The following SLC27A1 variants were observed in gnomAD, a reference collection of about 807,000 sequenced individuals.
The protein encoded by SLC27A1 is long-chain fatty acid transport protein 1.
Under a neutral mutation model 62.2 loss-of-function variants are expected in SLC27A1, and 61 were observed. The ratio of observed to expected loss-of-function variants is 0.98; its 90% CI spans 0.80 to 1.21. The LOEUF (loss-of-function observed/expected upper bound fraction) is 1.21. SLC27A1 is among the 50% of genes most tolerant of loss of function. The pLI, the probability that SLC27A1 is intolerant of heterozygous loss-of-function variation, is 0.00. For missense variants in SLC27A1, 903 were observed against 932.1 expected (o/e 0.97, Z 0.41); for synonymous variants, 435 against 408.6 (o/e 1.06, Z -0.78).
intron 1 of SLC27A1, among the ~76,000 whole-genome samples, chr19:17,479,894 T>G (rs2075159295): frequency 6.6e-6 from 1 of 152,120 alleles, no homozygotes; most frequent in Non-Finnish European, 1.5e-5. Context: ...TCTGCCCACC[T>G]TGGCCTCACA....
Position 17,486,506 on chromosome 19 carries a change from CA to C in SLC27A1, c.168-56del. 1 of 1,501,176 alleles carries C rather than the reference CA, an allele frequency of 6.7e-7. No homozygotes were observed. The highest frequency in any genetic ancestry group is 8.9e-7 in the Non-Finnish European group (1 of 1,127,382). 93.0% of individuals were successfully genotyped at this position (1,501,176 alleles called of 1,614,324 possible). ...CCTCCAGCGGGGAGGCTGAGGCTCCCAGAGGCCAGGCGGGGCAGGGCACCAG... is the reference window on the plus strand; with the variant it reads ...CCTCCAGCGGGGAGGCTGAGGCTCCCGAGGCCAGGCGGGGCAGGGCACCAG... On this transcript the variant is annotated intron_variant, in intron 1 of 11. Coordinates refer to ENST00000252595, the MANE Select transcript of SLC27A1 (RefSeq NM_198580.3). The surrounding 1 kb of genome is among the most constrained non-coding windows in gnomAD (Gnocchi z 6.6).
At position 17,501,298 on chromosome 19, in the gene SLC27A1, G is replaced by C. The variant is rs745737151; in HGVS notation, c.1662G>C (p.Ala554=). The change falls in exon 11 of 12, where the codon GCG becomes GCC. Residue 554 remains alanine (A), a synonymous_variant. Coordinates refer to ENST00000252595, the MANE Select transcript of SLC27A1 (RefSeq NM_198580.3). The stretch of plus-strand genomic sequence containing the variant: ...GAGTGGAGGGTAAGGCAGGGATGGC[G>C]GCCGTCGCAGACCCCCACAGCCTGC... ...VPGVEGKAGM[A]AVADPHSLLD... The C allele has an allele frequency of 6.2e-7, 1 of 1,613,660 alleles. No homozygotes were observed. Among genetic ancestry groups the C allele is most frequent in the Non-Finnish European group, 8.5e-7 (1 of 1,179,960 alleles).
intron 6 of SLC27A1, among the ~76,000 whole-genome samples, chr19:17,494,451 C>T (rs1405785601): frequency 6.6e-6 from 1 of 152,042 alleles, no homozygotes; most frequent in Admixed American, 6.6e-5. Flanking sequence ...CCTCAGGCTC[C>T]TGAATAGCTG....
upstream of SLC27A1, chr19:17,470,519 C>T (rs1284639592): frequency 4.6e-6 from 7 of 1,527,054 alleles, no homozygotes; most frequent in Admixed American, 3.9e-5. Context: ...CCCGCGGCCT[C>T]AGCTCTCTCT....
Position 17,488,892 on chromosome 19 carries a change from A to G in SLC27A1, c.839A>G (p.Gln280Arg), listed in dbSNP as rs1259394645. ...AAFGHHAYRM[Q>R]AADVLYDCLP... Reference sequence around the variant, plus strand: ...TTCGGCCACCACGCCTACCGCATGCAGGCGGCTGACGTGCTCTATGACTGC... The same window carrying G: ...TTCGGCCACCACGCCTACCGCATGCGGGCGGCTGACGTGCTCTATGACTGC... The change falls in exon 5 of 12, where the codon CAG becomes CGG. Residue 280 changes from glutamine to arginine, a missense_variant. By Grantham distance (43) the Gln-to-Arg change is conservative. Coordinates refer to ENST00000252595, the MANE Select transcript of SLC27A1 (RefSeq NM_198580.3). 6 of 1,614,002 alleles carry G rather than the reference A, an allele frequency of 3.7e-6. No individual in the cohort carries two copies. The highest frequency in any genetic ancestry group is 1.1e-5 in the South Asian group (1 of 91,078).
intron 1 of SLC27A1, among the ~76,000 whole-genome samples, chr19:17,480,717 C>T (rs1356922738): frequency 2.0e-5 from 3 of 151,750 alleles, no homozygotes; most frequent in East Asian, 3.9e-4. Flanking sequence ...GCAGGTTGCA[C>T]GTGCTGGTTT....
rs892825252 is a variant in SLC27A1, at chr19:17,486,862, C to T, written c.467C>T (p.Ala156Val). ...LGLAKAGMEA[A>V]LLNVNLRREP... ...CTGGCCAAGGCGGGCATGGAGGCCG[C>T]GCTGCTCAACGTGAACCTGCGGCGC... The change falls in exon 2 of 12, where the codon GCG (alanine) becomes GTG (valine). Residue 156 changes from alanine to valine, a missense_variant. Ala to Val is a moderately conservative substitution (Grantham distance 64). Coordinates refer to ENST00000252595, the MANE Select transcript of SLC27A1 (RefSeq NM_198580.3). The surrounding 1 kb of genome is among the most constrained non-coding windows in gnomAD (Gnocchi z 6.6). 36 of 1,584,888 alleles carry T rather than the reference C, an allele frequency of 2.3e-5. No homozygotes were observed. Among genetic ancestry groups the T allele is most frequent in the Non-Finnish European group, 2.9e-5 (34 of 1,172,426 alleles).
At chr19:17,488,048 C>T (rs2075255499) in intron 4 of SLC27A1, among the ~76,000 whole-genome samples, 1 of 152,122 alleles carries the variant, frequency 6.6e-6, no homozygotes, top group Non-Finnish European at 1.5e-5. Flanking sequence ...CTGCATCTAC[C>T]GTGACCCTCA....
chr19:17,484,193 TGGAG>T (rs2075206640), intron 1 of SLC27A1: 1 of 151,114 alleles, frequency 6.6e-6, no homozygotes, highest in Non-Finnish European at 1.5e-5. Flanking sequence ...AAATGATAAA[TGGAG>T]GGAAAGAATA....
intron 6 of SLC27A1, among the ~76,000 whole-genome samples, chr19:17,491,725 C>T (rs1244184066): frequency 6.6e-6 from 1 of 151,714 alleles, no homozygotes; most frequent in South Asian, 2.1e-4. Flanking sequence ...AATTGAAAAT[C>T]TAGCTGGTTG....
chr19:17,475,637 G>C (rs59482218), intron 1 of SLC27A1, among the ~76,000 whole-genome samples: 3,104 of 152,324 alleles, frequency 0.02, 101 homozygotes, highest in African/African-American at 0.069. Context: ...GGGAGGCACA[G>C]GACTCCAGAG....
chr19:17,469,390 G>T (rs549269196), upstream of SLC27A1, among the ~76,000 whole-genome samples: 4 of 152,116 alleles, frequency 2.6e-5, no homozygotes, highest in African/African-American at 9.6e-5. Context: ...AATACAGCCC[G>T]CGCGGGCCGT....
At chr19:17,501,468 T>A (rs765769495) in intron 11 of SLC27A1, 49 bp downstream of exon 11, 3 of 1,582,774 alleles carry the variant, frequency 1.9e-6, no homozygotes, top group Non-Finnish European at 2.6e-6. Flanking sequence ...TCAGTGTGTC[T>A]GTTGATTCAT....
intron 4 of SLC27A1, 99 bp from the exon 5 acceptor site, chr19:17,488,749 G>A: frequency 9.6e-7 from 1 of 1,038,946 alleles, no homozygotes. Context: ...GAACTGGGCT[G>A]GCTTTGCCTG....
rs561787408 is a variant in SLC27A1, at chr19:17,506,089, C to G, written c.*1477C>G. ...AGTGGTGGGGCCATGGCAAGAGACA[C>G]CGTGGCGTCTCATGTGAACTTTCCT... On this transcript the variant is annotated 3_prime_UTR_variant, in exon 12 of 12. Transcript: ENST00000252595. The G allele has an allele frequency of 6.6e-6, 1 of 152,366 alleles. No individual in the cohort carries two copies. Among genetic ancestry groups the G allele is most frequent in the East Asian group, 1.9e-4 (1 of 5,180 alleles). 9.4% of individuals were successfully genotyped at this position (152,366 alleles called of 1,614,324 possible).
intron 11 of SLC27A1, among the ~76,000 whole-genome samples, chr19:17,503,930 TCAAA>T (rs1386156040): frequency 6.7e-4 from 34 of 50,606 alleles, no homozygotes; most frequent in African/African-American, 3.1e-3. Context: ...AGACTATGTC[TCAAA>T]AAAAAAAAAA....
In SLC27A1 at chr19:17,505,918, C is replaced by G. The variant is rs2075475269; in HGVS notation, c.*1306C>G. The G allele has an allele frequency of 6.6e-6, 1 of 152,276 alleles. No individual in the cohort carries two copies. The highest frequency in any genetic ancestry group is 1.5e-5 in the Non-Finnish European group (1 of 68,126). 9.4% of individuals were successfully genotyped at this position (152,276 alleles called of 1,614,324 possible). ...CTGACACCGTGTTGGTGGCGATGTC[C>G]CAGACAATCCCACCAGGACGGCCCA... On this transcript the variant is annotated 3_prime_UTR_variant, in exon 12 of 12. Transcript: ENST00000252595.
chr19:17,482,792 A>G (rs977834880), intron 1 of SLC27A1, among the ~76,000 whole-genome samples: 6 of 152,136 alleles, frequency 3.9e-5, no homozygotes, highest in Non-Finnish European at 7.4e-5. Context: ...TGCTTCTGCA[A>G]CTGGCTGCTA....
intron 1 of SLC27A1, among the ~76,000 whole-genome samples, chr19:17,476,430 C>T (rs1009715310): frequency 8.6e-5 from 13 of 150,896 alleles, no homozygotes; most frequent in African/African-American, 2.7e-4. Context: ...CCCAGCTACT[C>T]GGGATGCTGA....
Sources: allele counts gnomAD v4.1 joint callset (sites outside exome capture counted in the v4.1 genomes callset), GRCh38; gene constraint gnomAD v4.1.1; non-coding constraint Gnocchi (gnomAD v3.1); transcripts MANE v1.5; gene names NCBI Gene and HGNC (gene_info 2026-07-23, HGNC 2026-07-21).